Variants in ZNF423 observed in about 807,000 individuals in gnomAD.
ZNF423 encodes the protein zinc finger protein 423.
A neutral mutation model predicts 95.8 loss-of-function variants in ZNF423; 12 were observed. That is an observed-to-expected ratio of 0.13 (90% confidence interval 0.08 to 0.20). The LOEUF (loss-of-function observed/expected upper bound fraction) is 0.20. Ranked by LOEUF, ZNF423 falls within the 10% of genes least tolerant of loss-of-function variation. The probability of loss-of-function intolerance (pLI) is 1.00; values close to 1 mark genes in which losing one functional copy is unlikely to be tolerated. For missense variants in ZNF423, 1,316 were observed against 1,737.1 expected, an observed-to-expected ratio of 0.76 and a Z score of 4.31; for synonymous variants, 749 against 711.9, an observed-to-expected ratio of 1.05 and a Z score of -0.83.
intron 2 of ZNF423, among the ~76,000 whole-genome samples, chr16:49,776,444 G>A (rs996720605): frequency 5.3e-5 from 8 of 152,364 alleles, no homozygotes; most frequent in Middle Eastern, 3.4e-3. Context: ...AGGCCACCCG[G>A]GGAGGGAAGG....
chr16:49,545,532 C>G (rs1035633679), intron 5 of ZNF423, among the ~76,000 whole-genome samples: 1 of 152,208 alleles, frequency 6.6e-6, no homozygotes, highest in African/African-American at 2.4e-5. Context: ...GGTGACCCCC[C>G]ACTCTAACTG....
At chr16:49,639,009 G>T in intron 3 of ZNF423, 135 bp from the exon 4 acceptor site, 1 of 1,438,638 alleles carries the variant, frequency 7.0e-7, no homozygotes, top group Non-Finnish European at 9.1e-7. Flanking sequence ...TGTGGGGAGG[G>T]GCAGGGGCCG....
At chr16:49,695,600 T>C (rs1182380005) in intron 3 of ZNF423, among the ~76,000 whole-genome samples, 2 of 152,086 alleles carry the variant, frequency 1.3e-5, no homozygotes, top group African/African-American at 2.4e-5. Context: ...GCAATTTTTG[T>C]ATTTTTAGTA....
intron 7 of ZNF423, among the ~76,000 whole-genome samples, chr16:49,513,985 G>A (rs1489624075): frequency 6.6e-6 from 1 of 151,950 alleles, no homozygotes; most frequent in East Asian, 2.0e-4. Context: ...GAATAATGCA[G>A]GAAGGCAGTG....
chr16:49,733,280 G>A (rs916650799), intron 2 of ZNF423, among the ~76,000 whole-genome samples: 4 of 152,034 alleles, frequency 2.6e-5, no homozygotes, highest in South Asian at 2.1e-4. Context: ...CTACTACACC[G>A]ACCCTCCAGA....
At chr16:49,503,898 C>G (rs143597600) in intron 7 of ZNF423, among the ~76,000 whole-genome samples, 1 of 152,322 alleles carries the variant, frequency 6.6e-6, no homozygotes, top group Non-Finnish European at 1.5e-5. Flanking sequence ...ACAGTTGCCC[C>G]GCTCCACTGT....
At chr16:49,706,984 C>G (rs1306024111) in intron 3 of ZNF423, among the ~76,000 whole-genome samples, 1 of 152,232 alleles carries the variant, frequency 6.6e-6, no homozygotes, top group Non-Finnish European at 1.5e-5. Context: ...CCAGAGGGAT[C>G]TGTTAAACAC....
chr16:49,586,789 G>T (rs539398404), intron 5 of ZNF423, among the ~76,000 whole-genome samples: 2 of 152,324 alleles, frequency 1.3e-5, no homozygotes, highest in African/African-American at 4.8e-5. Flanking sequence ...CCGAACCAGG[G>T]AGAACCGGGA....
intron 5 of ZNF423, among the ~76,000 whole-genome samples, chr16:49,543,707 G>A (rs1008416951): frequency 2.0e-5 from 3 of 152,168 alleles, no homozygotes; most frequent in African/African-American, 4.8e-5. Flanking sequence ...CCTGTCGCCC[G>A]CTGAGCCTAT....
At chr16:49,626,290 C>G (rs751676762) in intron 4 of ZNF423, 36 bp from the exon 5 acceptor site, 1 of 1,605,996 alleles carries the variant, frequency 6.2e-7, no homozygotes, top group South Asian at 1.1e-5. Context: ...TTTAGAGAGG[C>G]AGGAGGTAGG....
chr16:49,823,416 T>A (rs1428199293), intron 1 of ZNF423, among the ~76,000 whole-genome samples: 2 of 152,208 alleles, frequency 1.3e-5, no homozygotes, highest in Non-Finnish European at 2.9e-5. Context: ...TAATGCTGCA[T>A]CACAGGCAAG....
chr16:49,744,868 G>A (rs1240257646), intron 2 of ZNF423, among the ~76,000 whole-genome samples: 3 of 152,104 alleles, frequency 2.0e-5, no homozygotes, highest in African/African-American at 4.8e-5. Context: ...CACTTAACTC[G>A]GATTTCAAAC....
intron 5 of ZNF423, among the ~76,000 whole-genome samples, chr16:49,562,744 C>T (rs1970058058): frequency 2.6e-5 from 4 of 152,104 alleles, no homozygotes. Context: ...TCCAAATAGC[C>T]AACGTTCATT....
chr16:49,513,398 C>T (rs1460937389), intron 7 of ZNF423, among the ~76,000 whole-genome samples: 1 of 152,190 alleles, frequency 6.6e-6, no homozygotes, highest in Non-Finnish European at 1.5e-5. Context: ...AAGTATGTGC[C>T]TAGAGCACTT....
intron 3 of ZNF423, among the ~76,000 whole-genome samples, chr16:49,710,470 G>A (rs1416931685): frequency 6.6e-6 from 1 of 152,206 alleles, no homozygotes; most frequent in Non-Finnish European, 1.5e-5. Flanking sequence ...AAACGCCTAA[G>A]AAGCACTGCC....
intron 5 of ZNF423, among the ~76,000 whole-genome samples, chr16:49,536,711 C>T (rs565010906): frequency 6.6e-6 from 1 of 152,050 alleles, no homozygotes; most frequent in Non-Finnish European, 1.5e-5. Context: ...GCCACTGTGC[C>T]CAGCCTGTGG....
chr16:49,858,848 C>G (rs953855852), upstream of ZNF423, among the ~76,000 whole-genome samples: 1 of 152,152 alleles, frequency 6.6e-6, no homozygotes, highest in South Asian at 2.1e-4. This position sits in a 1 kb window ranked among gnomAD's most constrained non-coding sequence, Gnocchi z 4.3. Flanking sequence ...CAGAATCAGC[C>G]GCTCCCCCAC....
intron 3 of ZNF423, among the ~76,000 whole-genome samples, chr16:49,714,335 G>A (rs2032637915): frequency 6.6e-6 from 1 of 152,198 alleles, no homozygotes; most frequent in African/African-American, 2.4e-5. Flanking sequence ...CACGCAGCCA[G>A]GGCCTAGTAC....
At chr16:49,593,040 A>G (rs1971061177) in intron 5 of ZNF423, among the ~76,000 whole-genome samples, 1 of 152,126 alleles carries the variant, frequency 6.6e-6, no homozygotes, top group Non-Finnish European at 1.5e-5. Flanking sequence ...CCTGATCAAG[A>G]TGGATTTGGA....
Sources: gnomAD v4.1 joint callset for allele counts (sites outside exome capture counted in the v4.1 genomes callset) on GRCh38, gnomAD v4.1.1 for gene constraint, Gnocchi (gnomAD v3.1) non-coding constraint, MANE v1.5 for transcripts, NCBI Gene and HGNC (gene_info 2026-07-23, HGNC 2026-07-21) for gene names.